The following RNF157 variants were observed in gnomAD, a reference collection of about 807,000 sequenced individuals.
The protein encoded by RNF157 is E3 ubiquitin ligase RNF157.
RNF157 carries 55 observed loss-of-function variants against 88.3 expected under a neutral mutation model. The ratio of observed to expected loss-of-function variants is 0.62; its 90% CI spans 0.50 to 0.78. RNF157 has a LOEUF of 0.78. RNF157 is among the 30% of genes least tolerant of loss of function. The probability of loss-of-function intolerance (pLI) is 0.00; values close to 1 mark genes in which losing one functional copy is unlikely to be tolerated. For synonymous variants in RNF157, 334 were observed against 341.2 expected (o/e 0.98, Z 0.23); for missense variants, 788 against 860.8 (o/e 0.92, Z 1.06).
chr17:76,222,657 G>C (rs1430463971), intron 1 of RNF157, among the ~76,000 whole-genome samples: 3 of 152,104 alleles, frequency 2.0e-5, no homozygotes, highest in African/African-American at 7.2e-5. Context: ...AGGATTAGAA[G>C]AGTTCAGTGA....
At chr17:76,207,646 G>C (rs2069704116) in intron 2 of RNF157, among the ~76,000 whole-genome samples, 1 of 152,204 alleles carries the variant, frequency 6.6e-6, no homozygotes, top group Admixed American at 6.5e-5. Flanking sequence ...AGTCGTTCTT[G>C]CCGCATGCTG....
intron 2 of RNF157, among the ~76,000 whole-genome samples, chr17:76,206,141 G>A (rs1002287814): frequency 6.6e-6 from 1 of 152,090 alleles, no homozygotes; most frequent in African/African-American, 2.4e-5. Context: ...TGAGGTGGGA[G>A]GATCACTTAA....
At chr17:76,201,090 C>T (rs1314707546) in intron 2 of RNF157, among the ~76,000 whole-genome samples, 1 of 152,038 alleles carries the variant, frequency 6.6e-6, no homozygotes, top group Non-Finnish European at 1.5e-5. Context: ...CTATTTCCTT[C>T]CTCTACTTAG....
intron 3 of RNF157, among the ~76,000 whole-genome samples, chr17:76,171,670 T>C (rs946859038): frequency 3.3e-5 from 5 of 152,066 alleles, no homozygotes; most frequent in African/African-American, 9.7e-5. Context: ...ACCAGGTGTT[T>C]TCCCTTCTGT....
At chr17:76,210,965 G>A (rs1190730290) in intron 2 of RNF157, among the ~76,000 whole-genome samples, 6 of 152,012 alleles carry the variant, frequency 3.9e-5, no homozygotes, top group Admixed American at 1.3e-4. Flanking sequence ...CCACCACCCC[G>A]GGCTAATTTT....
chr17:76,194,907 CA>C (rs774683092), intron 2 of RNF157, among the ~76,000 whole-genome samples: 22 of 151,970 alleles, frequency 1.4e-4, no homozygotes, highest in Non-Finnish European at 2.8e-4. Flanking sequence ...CCCAGCTACT[CA>C]GGAGGCTGAG....
Position 76,143,271 on chromosome 17 carries a change from C to G in RNF157, c.*1964G>C, listed in dbSNP as rs577279119. 1.3e-5 allele frequency: 2 copies of G among 152,240 alleles called. No individual in the cohort carries two copies. The highest frequency in any genetic ancestry group is 2.9e-5 in the Non-Finnish European group (2 of 68,068). The allele number at this position is 152,240 out of a possible 1,614,324, so 9.4% of individuals were successfully genotyped here. A position where few individuals can be genotyped will look rare whatever the true frequency, so the allele number is the denominator to read the frequency against. Reference sequence around the variant, plus strand: ...TGCTGCGAGGAAGGACAGGGATCCTCAGGAAGGGGGTCCTGGCCACTGTGG... The same window carrying G: ...TGCTGCGAGGAAGGACAGGGATCCTGAGGAAGGGGGTCCTGGCCACTGTGG... On this transcript the variant is annotated 3_prime_UTR_variant, in exon 19 of 19. Transcript: ENST00000269391.
chr17:76,189,652 G>T (rs929199603), intron 2 of RNF157, among the ~76,000 whole-genome samples: 1 of 152,164 alleles, frequency 6.6e-6, no homozygotes, highest in Non-Finnish European at 1.5e-5. Flanking sequence ...AAGGGGGCAC[G>T]GAGCTGACAG....
chr17:76,212,286 A>T, intron 2 of RNF157, 78 bp downstream of exon 2: 1 of 982,790 alleles, frequency 1.0e-6, no homozygotes, highest in Non-Finnish European at 1.6e-6. Flanking sequence ...TGAACAAGCA[A>T]CTGCAAACTT....
In RNF157 at chr17:76,156,332, T is replaced by C. The variant is rs2068763481; in HGVS notation, c.1414-11A>G. ...AGTCACACCACATTCCTGGGGGTTG[T>C]GGGGGGACACAACAGGACATGGAGC... On this transcript the variant is annotated splice_polypyrimidine_tract_variant and intron_variant, in intron 13 of 18. Coordinates refer to ENST00000269391, the MANE Select transcript of RNF157 (RefSeq NM_052916.3). 1.2e-6 allele frequency: 2 copies of C among 1,613,570 alleles called. No homozygotes were observed. Among genetic ancestry groups the C allele is most frequent in the Non-Finnish European group, 8.5e-7 (1 of 1,179,916 alleles).
Position 76,155,254 on chromosome 17 carries a change from C to T in RNF157, c.1762G>A (p.Glu588Lys). 1.2e-6 allele frequency: 2 copies of T among 1,614,132 alleles called. No homozygotes were observed. The highest frequency in any genetic ancestry group is 1.1e-5 in the South Asian group (1 of 91,088). ...CCACTCCGTGCTGTTGGGGTTACCT[C>T]TGCATCCTGCTCTCCAGCTGGGAGG... is the stretch of plus-strand genomic sequence containing the variant. ...AGLPAGEQDA[E>K]GNDVIEEEDG... Residue 588 changes from glutamate (E) to lysine (K), a missense_variant and splice_region_variant, in exon 16 of 19, where the codon GAG (glutamate) becomes AAG (lysine). Physicochemically the swap from Glu to Lys is moderately conservative, Grantham distance 56. Coordinates refer to ENST00000269391, the MANE Select transcript of RNF157 (RefSeq NM_052916.3).
At chr17:76,172,607 CAAAAAAAAAAAAA>C (rs35297368) in intron 3 of RNF157, among the ~76,000 whole-genome samples, 1 of 31,716 alleles carries the variant, frequency 3.2e-5, no homozygotes, top group South Asian at 1.2e-3. Context: ...AACTCCATCT[CAAAAAAAAAAAAA>C]AAAAAAAAAA....
rs77762154 is a variant in RNF157, at chr17:76,201,410, G to A, written c.207+10954C>T. Among the ~76,000 whole-genome samples the A allele has an allele frequency of 8.0e-3, 1,211 of 152,070 alleles. 22 individuals carry two copies. Among genetic ancestry groups the A allele is most frequent in the African/African-American group, 0.027 (1,119 of 41,448 alleles). ...ATCTGTAGTCCCAGCTACCAGGAAG[G>A]CTGAGGCAGGAGGACTGCTTGAGCC... On this transcript the variant is annotated intron_variant, in intron 2 of 18. Transcript: ENST00000269391.
chr17:76,175,838 A>G, intron 2 of RNF157: 1 of 956,222 alleles, frequency 1.0e-6, no homozygotes, highest in Non-Finnish European at 1.2e-6. Flanking sequence ...AGAAAAATAA[A>G]AAGAAAGAAA....
chr17:76,238,085 CA>C (rs555165221), intron 1 of RNF157, among the ~76,000 whole-genome samples: 7,381 of 93,616 alleles, frequency 0.079, 541 homozygotes, highest in African/African-American at 0.23. Flanking sequence ...GACGATGACT[CA>C]AAAAAAAAAA....
At position 76,160,320 on chromosome 17, in the gene RNF157, G is replaced by A. The variant is rs1488654359; in HGVS notation, c.1066-747C>T. Among the ~76,000 whole-genome samples the A allele has an allele frequency of 6.6e-6, 1 of 151,498 alleles. No individual in the cohort carries two copies. The highest frequency in any genetic ancestry group is 1.5e-5 in the Non-Finnish European group (1 of 67,920). The stretch of plus-strand genomic sequence containing the variant: ...CTTGTTATTAAATTATTAGCTCTTA[G>A]ATGATGAGGTATAAATGTTTTTAAG... On this transcript the variant is annotated intron_variant, in intron 11 of 18. Coordinates refer to ENST00000269391, the MANE Select transcript of RNF157 (RefSeq NM_052916.3). This position sits in a 1 kb window ranked among gnomAD's most constrained non-coding sequence, Gnocchi z 4.3.
intron 2 of RNF157, among the ~76,000 whole-genome samples, chr17:76,210,487 G>A (rs945871240): frequency 1.3e-5 from 2 of 149,050 alleles, no homozygotes; most frequent in Non-Finnish European, 3.0e-5. Context: ...CTACTCAGGA[G>A]GCTGAGGCAG....
At chr17:76,207,601 T>G (rs1395207065) in intron 2 of RNF157, among the ~76,000 whole-genome samples, 1 of 152,228 alleles carries the variant, frequency 6.6e-6, no homozygotes, top group African/African-American at 2.4e-5. Context: ...TTTTAACATA[T>G]TTCACTGCCC....
At chr17:76,183,335 A>G (rs1233621337) in intron 2 of RNF157, among the ~76,000 whole-genome samples, 1 of 152,216 alleles carries the variant, frequency 6.6e-6, no homozygotes, top group African/African-American at 2.4e-5. Flanking sequence ...CTGTATTTTA[A>G]TAAACATTCC....
Sources: allele counts gnomAD v4.1 joint callset (sites outside exome capture counted in the v4.1 genomes callset), GRCh38; gene constraint gnomAD v4.1.1; non-coding constraint Gnocchi (gnomAD v3.1); transcripts MANE v1.5; gene names NCBI Gene and HGNC (gene_info 2026-07-23, HGNC 2026-07-21).